Variants in APH1B observed in about 807,000 individuals in gnomAD.
APH1B encodes the protein gamma-secretase subunit APH-1B.
A neutral mutation model predicts 28.2 loss-of-function variants in APH1B; 27 were observed. The ratio of observed to expected loss-of-function variants is 0.96; its 90% CI spans 0.70 to 1.32. The LOEUF is 1.32. Among genes scored for constraint, APH1B ranks in the 40% most tolerant of loss-of-function variants. APH1B has a pLI of 0.00. For missense variants in APH1B, 305 were observed against 313.6 expected, an observed-to-expected ratio of 0.97 and a Z score of 0.21; for synonymous variants, 141 against 124.6, an observed-to-expected ratio of 1.13 and a Z score of -0.88.
intron 4 of APH1B, among the ~76,000 whole-genome samples, chr15:63,300,106 C>T (rs569292476): frequency 3.3e-5 from 5 of 152,208 alleles, no homozygotes; most frequent in African/African-American, 1.2e-4. Context: ...AAATAGGAGT[C>T]ACCTATTCCA....
At chr15:63,295,936 TG>T (rs2038561016) in intron 4 of APH1B, among the ~76,000 whole-genome samples, 1 of 152,216 alleles carries the variant, frequency 6.6e-6, no homozygotes, top group South Asian at 2.1e-4. Flanking sequence ...TCCACAGTGA[TG>T]AGCTAATTTG....
chr15:63,294,411 A>T (rs2038542306), intron 4 of APH1B, among the ~76,000 whole-genome samples: 1 of 152,176 alleles, frequency 6.6e-6, no homozygotes, highest in Admixed American at 6.5e-5. Context: ...GAATCCCAGC[A>T]TTTATCAACC....
chr15:63,282,638 T>G (rs2038401106), intron 2 of APH1B, among the ~76,000 whole-genome samples: 1 of 152,114 alleles, frequency 6.6e-6, no homozygotes, highest in Non-Finnish European at 1.5e-5. Context: ...TGCTTGAAAC[T>G]CCTGTATGTT....
chr15:63,296,126 A>G (rs1168931427), intron 4 of APH1B, among the ~76,000 whole-genome samples: 1 of 152,206 alleles, frequency 6.6e-6, no homozygotes, highest in Non-Finnish European at 1.5e-5. Context: ...AGAGAAAGTC[A>G]TTTTCAAAAG....
intron 4 of APH1B, among the ~76,000 whole-genome samples, chr15:63,290,824 C>T (rs185876631): frequency 2.6e-5 from 4 of 152,270 alleles, no homozygotes; most frequent in Admixed American, 1.3e-4. Flanking sequence ...TTCTAGATGG[C>T]ACTCAATAAA....
At chr15:63,290,205 G>A (rs1403094675) in intron 4 of APH1B, among the ~76,000 whole-genome samples, 1 of 152,124 alleles carries the variant, frequency 6.6e-6, no homozygotes, top group Non-Finnish European at 1.5e-5. Flanking sequence ...TGATACCTGT[G>A]TGTACATAGG....
At chr15:63,296,934 G>A (rs556778456) in intron 4 of APH1B, among the ~76,000 whole-genome samples, 2 of 152,082 alleles carry the variant, frequency 1.3e-5, no homozygotes, top group African/African-American at 4.8e-5. Context: ...GAGCCACCCC[G>A]CCCGGCTGTA....
intron 3 of APH1B, 40 bp from the exon 4 acceptor site, chr15:63,287,384 T>G: frequency 6.2e-7 from 1 of 1,606,538 alleles, no homozygotes; most frequent in Non-Finnish European, 8.5e-7. Context: ...CTTGAAATCT[T>G]GGCAGGAAAA....
chr15:63,293,633 G>T (rs2038529929), intron 4 of APH1B, among the ~76,000 whole-genome samples: 1 of 152,112 alleles, frequency 6.6e-6, no homozygotes, highest in Non-Finnish European at 1.5e-5. Flanking sequence ...GAGTAGCTGG[G>T]ATTACAGGAG....
chr15:63,279,390 G>C lies in APH1B; in HGVS notation c.284+59G>C. The C allele has an allele frequency of 2.7e-6, 4 of 1,501,612 alleles. No homozygotes were observed. In the South Asian group the frequency reaches 5.0e-5, roughly 19 times the overall value. 93.0% of individuals were successfully genotyped at this position (1,501,612 alleles called of 1,614,324 possible). A position where few individuals can be genotyped will look rare whatever the true frequency, so the allele number is the denominator to read the frequency against. ...CCAGTTAGATTTTAGTTATGATTTG[G>C]TCATTTGAAACGTGAATATAGTATT... On this transcript the variant is annotated intron_variant, in intron 2 of 5. Transcript: ENST00000261879.
intron 4 of APH1B, among the ~76,000 whole-genome samples, chr15:63,290,107 T>G (rs1238484545): frequency 1.3e-5 from 2 of 152,178 alleles, no homozygotes; most frequent in African/African-American, 4.8e-5. Context: ...TTGAAACACT[T>G]CTGGTCCCAA....
At chr15:63,280,583 A>G (rs1460010614) in intron 2 of APH1B, among the ~76,000 whole-genome samples, 1 of 152,254 alleles carries the variant, frequency 6.6e-6, no homozygotes, top group African/African-American at 2.4e-5. Context: ...CCTTTTCGTA[A>G]TGAAGGAATT....
intron 2 of APH1B, 111 bp downstream of exon 2, chr15:63,279,442 A>G: frequency 1.1e-6 from 1 of 923,226 alleles, no homozygotes; most frequent in Non-Finnish European, 1.5e-6. Context: ...ACATAGTACT[A>G]AGCCAAGAGA....
intron 4 of APH1B, among the ~76,000 whole-genome samples, chr15:63,291,428 A>G (rs958597700): frequency 2.0e-5 from 3 of 152,240 alleles, no homozygotes; most frequent in Non-Finnish European, 4.4e-5. Flanking sequence ...GCAAGCTTTT[A>G]AACTTTTTAG....
chr15:63,307,086 T>C lies in APH1B; in HGVS notation c.*1305T>C, dbSNP rs2038694446. 6.6e-6 allele frequency: 1 copy of C among 152,158 alleles called. No individual in the cohort carries two copies. The highest frequency in any genetic ancestry group is 2.1e-4 in the South Asian group (1 of 4,826). The allele number at this position is 152,158 out of a possible 1,614,324, so 9.4% of individuals were successfully genotyped here. ...GGGAGCTGGTGGCATGAAATGCAAA[T>C]GACCTATACATTAAAGTGATGTCTC... On this transcript the variant is annotated 3_prime_UTR_variant, in exon 6 of 6. Transcript: ENST00000261879.
At chr15:63,290,008 A>G (rs1326753892) in intron 4 of APH1B, among the ~76,000 whole-genome samples, 1 of 136,848 alleles carries the variant, frequency 7.3e-6, no homozygotes, top group Non-Finnish European at 1.6e-5. Flanking sequence ...GTTTCAAGAG[A>G]AAAAAAAAAA....
chr15:63,281,828 T>C (rs896186066), intron 2 of APH1B, among the ~76,000 whole-genome samples: 2 of 152,076 alleles, frequency 1.3e-5, no homozygotes, highest in Non-Finnish European at 2.9e-5. Context: ...TCCACTTTTT[T>C]AATGAGGGCA....
intron 5 of APH1B, among the ~76,000 whole-genome samples, chr15:63,302,875 C>T (rs2038647598): frequency 6.6e-6 from 1 of 152,144 alleles, no homozygotes; most frequent in Non-Finnish European, 1.5e-5. Flanking sequence ...TTTTATCTCT[C>T]TCTCTCTGTT....
rs199850122 is a variant in APH1B at position 63,302,439 on chromosome 15, C to G, written c.573C>G (p.Ile191Met). The G allele has an allele frequency of 1.4e-5, 22 of 1,613,850 alleles. No homozygotes were observed. The highest frequency in any genetic ancestry group is 1.6e-4 in the Middle Eastern group (1 of 6,064). Residue 191 changes from isoleucine (I) to methionine (M), a missense_variant, in exon 5 of 6, where the codon ATC (isoleucine) becomes ATG (methionine). Ile to Met is a conservative substitution (Grantham distance 10, BLOSUM62 1). Coordinates refer to ENST00000261879, the MANE Select transcript of APH1B (RefSeq NM_031301.4). ...CEKKKWGILL[I>M]VLLTHLLVSA... is the part of the protein sequence containing the mutation. ...AGAAAAAGTGGGGCATCCTCCTTATCGTTCTCCTGACCCACCTGCTGGTGT... is the reference window on the plus strand; with the variant it reads ...AGAAAAAGTGGGGCATCCTCCTTATGGTTCTCCTGACCCACCTGCTGGTGT...
Sources: allele counts gnomAD v4.1 joint callset (sites outside exome capture counted in the v4.1 genomes callset), GRCh38; gene constraint gnomAD v4.1.1; transcripts MANE v1.5; gene names NCBI Gene and HGNC (gene_info 2026-07-23, HGNC 2026-07-21).